The following SAMD5 variants were observed in gnomAD, a reference collection of about 807,000 sequenced individuals.
SAMD5 encodes sterile alpha motif domain-containing protein 5.
In SAMD5, 13 loss-of-function variants were observed where a neutral mutation model predicts 11.3. The observed-to-expected ratio is 1.15, with a 90% CI of 0.75 to 1.83. The LOEUF is 1.83. Among genes scored for constraint, SAMD5 ranks in the 40% most tolerant of loss-of-function variants. The pLI is 0.00. For synonymous variants in SAMD5, 129 were observed against 111.3 expected, an observed-to-expected ratio of 1.16 and a Z score of -1.00; for missense variants, 255 against 239.1, an observed-to-expected ratio of 1.07 and a Z score of -0.44.
the SAMD5 span, among the ~76,000 whole-genome samples, chr6:147,825,561 C>T: frequency 4.3e-4 from 65 of 151,724 alleles, 1 homozygote; most frequent in African/African-American, 1.5e-3. Context: ...GCTCATATAA[C>T]ATAGATGAAT....
At chr6:147,890,845 T>A in the SAMD5 span, among the ~76,000 whole-genome samples, 1 of 152,178 alleles carries the variant, frequency 6.6e-6, no homozygotes, top group South Asian at 2.1e-4. Context: ...TTAATACTAA[T>A]TGCACATGTG....
At chr6:147,644,769 C>G (rs7755990) in intron 1 of SAMD5, among the ~76,000 whole-genome samples, 1 of 152,086 alleles carries the variant, frequency 6.6e-6, no homozygotes, top group African/African-American at 2.4e-5. Context: ...AGTATTCTGC[C>G]GTGACAACTT....
chr6:147,587,831 G>A (rs937038174), intron 1 of SAMD5, among the ~76,000 whole-genome samples: 2 of 152,034 alleles, frequency 1.3e-5, no homozygotes, highest in African/African-American at 4.8e-5. Context: ...ATTTTGTTAA[G>A]TTCCTAGAAC....
the SAMD5 span, among the ~76,000 whole-genome samples, chr6:147,917,423 A>G: frequency 1.3e-5 from 2 of 151,308 alleles, no homozygotes; most frequent in African/African-American, 2.4e-5. Context: ...TTTCTTGTAA[A>G]TTTGTTGGAG....
At chr6:147,744,544 TC>T in the SAMD5 span, among the ~76,000 whole-genome samples, 1 of 152,084 alleles carries the variant, frequency 6.6e-6, no homozygotes, top group African/African-American at 2.4e-5. Context: ...TGACCTAGTT[TC>T]TTCGACCAAA....
intron 1 of SAMD5, among the ~76,000 whole-genome samples, chr6:147,732,127 G>C (rs938741253): frequency 3.9e-5 from 6 of 152,108 alleles, no homozygotes; most frequent in Admixed American, 3.9e-4. Context: ...CTTTAAAAGA[G>C]GATTGGATTT....
chr6:147,610,948 C>A (rs546925104), intron 1 of SAMD5, among the ~76,000 whole-genome samples: 3 of 150,770 alleles, frequency 2.0e-5, no homozygotes, highest in Admixed American at 6.6e-5. Context: ...CAGCTTACTG[C>A]AACCTCCGCC....
At chr6:147,803,788 C>T in the SAMD5 span, among the ~76,000 whole-genome samples, 9 of 152,140 alleles carry the variant, frequency 5.9e-5, no homozygotes, top group South Asian at 4.1e-4. Context: ...ACATGTACTA[C>T]GCACACTGCC....
intron 1 of SAMD5, among the ~76,000 whole-genome samples, chr6:147,678,583 G>A (rs778541636): frequency 6.6e-6 from 1 of 152,106 alleles, no homozygotes; most frequent in Non-Finnish European, 1.5e-5. Context: ...GCAGAAAGAT[G>A]GGGGACCTCA....
chr6:147,640,287 C>A (rs1243310224), intron 1 of SAMD5, among the ~76,000 whole-genome samples: 1 of 150,298 alleles, frequency 6.7e-6, no homozygotes, highest in Non-Finnish European at 1.5e-5. Context: ...GAATCCATAC[C>A]ACTGCACTCC....
the SAMD5 span, among the ~76,000 whole-genome samples, chr6:147,910,599 C>CA: frequency 5.9e-5 from 9 of 152,038 alleles, no homozygotes; most frequent in African/African-American, 2.2e-4. Flanking sequence ...TAAAGTGACC[C>CA]AAAAAACCTC....
intron 1 of SAMD5, among the ~76,000 whole-genome samples, chr6:147,576,685 A>G (rs1382788085): frequency 6.6e-6 from 1 of 152,180 alleles, no homozygotes; most frequent in Non-Finnish European, 1.5e-5. Flanking sequence ...TTACTGATCC[A>G]TTTTACAGGT....
At chr6:147,638,426 C>G (rs1790263758) in intron 1 of SAMD5, among the ~76,000 whole-genome samples, 1 of 152,188 alleles carries the variant, frequency 6.6e-6, no homozygotes, top group African/African-American at 2.4e-5. Flanking sequence ...AGGATAATTA[C>G]ATTTTCTCCA....
the SAMD5 span, among the ~76,000 whole-genome samples, chr6:147,949,372 G>A: frequency 6.6e-6 from 1 of 152,160 alleles, no homozygotes; most frequent in Non-Finnish European, 1.5e-5. Context: ...CCCCAGTTTG[G>A]TAAGAAATCT....
the SAMD5 span, among the ~76,000 whole-genome samples, chr6:147,754,799 A>G: frequency 6.6e-6 from 1 of 152,076 alleles, no homozygotes; most frequent in Non-Finnish European, 1.5e-5. Flanking sequence ...TTTTCCCAGC[A>G]CCATTTATTG....
chr6:147,807,266 A>AT, the SAMD5 span, among the ~76,000 whole-genome samples: 87 of 148,742 alleles, frequency 5.8e-4, no homozygotes, highest in East Asian at 9.9e-4. Context: ...CGCCTGGCTA[A>AT]TTTTTTTTTT....
At chr6:147,953,843 A>C in the SAMD5 span, 1 of 152,232 alleles carries the variant, frequency 6.6e-6, no homozygotes, top group African/African-American at 2.4e-5. Flanking sequence ...TTGCTGGTTG[A>C]TGTACCAAGG....
rs781600033 is a variant in SAMD5 at position 147,562,821 on chromosome 6, C to CA, written c.460-1564dup. Reference sequence around the variant, plus strand: ...TGGGAGACAGAGCGAGACTCCGTCTCAAAAAAAAATAAATAAATAAATAAA... The same window carrying CA: ...TGGGAGACAGAGCGAGACTCCGTCTCAAAAAAAAAATAAATAAATAAATAAA... On this transcript the variant is annotated intron_variant, in intron 1 of 1. Transcript: ENST00000367474. Among the ~76,000 whole-genome samples, 1,443 of 145,094 alleles carry CA rather than the reference C, an allele frequency of 9.9e-3. 16 individuals carry two copies. The highest frequency in any genetic ancestry group is 0.026 in the African/African-American group (1,027 of 39,466).
chr6:147,562,442 A>C (rs1788965833), intron 1 of SAMD5, among the ~76,000 whole-genome samples: 1 of 152,170 alleles, frequency 6.6e-6, no homozygotes, highest in Admixed American at 6.5e-5. Context: ...TTTTTCTGAC[A>C]CAAATAGCTT....
Sources: allele counts gnomAD v4.1 joint callset (sites outside exome capture counted in the v4.1 genomes callset), GRCh38; gene constraint gnomAD v4.1.1; transcripts MANE v1.5; gene names NCBI Gene and HGNC (gene_info 2026-07-23, HGNC 2026-07-21).